PALS2: variants seen among roughly 807,000 people sequenced by gnomAD.
PALS2 encodes the protein protein associated with LIN7 2, MAGUK p55 family member.
In PALS2, 27 loss-of-function variants were observed where a neutral mutation model predicts 61.6. The observed-to-expected ratio is 0.44, with a 90% CI of 0.32 to 0.60. The LOEUF is 0.60. Among genes scored for constraint, PALS2 ranks in the 20% least tolerant of loss-of-function variants. PALS2 has a pLI of 0.05. For missense variants in PALS2, 554 were observed against 639.4 expected, an observed-to-expected ratio of 0.87 and a Z score of 1.44; for synonymous variants, 236 against 218.6, an observed-to-expected ratio of 1.08 and a Z score of -0.70.
intron 1 of PALS2, 55 bp from the exon 2 acceptor site, chr7:24,623,611 G>A: frequency 4.7e-6 from 5 of 1,072,586 alleles, no homozygotes; most frequent in Middle Eastern, 2.1e-4. Flanking sequence ...TGAAATTTAA[G>A]GGTTTTTGTT....
chr7:24,647,582 G>A (rs985579722), intron 3 of PALS2, among the ~76,000 whole-genome samples: 7 of 152,066 alleles, frequency 4.6e-5, no homozygotes, highest in African/African-American at 9.7e-5. Context: ...GCAAAATGAC[G>A]TTTTTCTGTT....
rs1788478162 is a variant in PALS2 at position 24,691,528 on chromosome 7, C to G, written c.*3914C>G. On this transcript the variant is annotated 3_prime_UTR_variant, in exon 12 of 12. Coordinates refer to ENST00000222644, the MANE Select transcript of PALS2 (RefSeq NM_001303037.2). ...TATTCATTCATGTAATTATAACTAG[C>G]ATTCTAAAATTTTTAATTACTCCCA... 6.7e-6 allele frequency: 1 copy of G among 149,576 alleles called. No individual in the cohort carries two copies. Among genetic ancestry groups the G allele is most frequent in the South Asian group, 2.1e-4 (1 of 4,724 alleles). 9.3% of individuals were successfully genotyped at this position (149,576 alleles called of 1,614,324 possible). A position where few individuals can be genotyped will look rare whatever the true frequency, so the allele number is the denominator to read the frequency against.
At position 24,618,899 on chromosome 7, in the gene PALS2, C is replaced by T. The variant is rs550849726; in HGVS notation, c.-2-4767C>T. The stretch of plus-strand genomic sequence containing the variant: ...TTATTGCCGTGGTCCTTTCTTGAAG[C>T]GGAGGAATGTGCACCAGACACTTAC... On this transcript the variant is annotated intron_variant, in intron 1 of 11. Coordinates refer to ENST00000222644, the MANE Select transcript of PALS2 (RefSeq NM_001303037.2). The surrounding 1 kb of genome is among the most constrained non-coding windows in gnomAD (Gnocchi z 5.1). Among the ~76,000 whole-genome samples, 23 of 152,324 alleles carry T rather than the reference C, an allele frequency of 1.5e-4. No homozygotes were observed. Among genetic ancestry groups the T allele is most frequent in the African/African-American group, 4.8e-4 (20 of 41,574 alleles).
intron 1 of PALS2, among the ~76,000 whole-genome samples, chr7:24,581,244 CGTGTGTGTGTGTGTGTGTGTGT>C (rs55768123): frequency 2.2e-4 from 31 of 143,012 alleles, no homozygotes; most frequent in African/African-American, 7.6e-4. Flanking sequence ...CATTTCCCCA[CGTGTGTGTGTGTGTGTGTGTGT>C]GTGTGTGTGT....
intron 9 of PALS2, 143 bp from the exon 10 acceptor site, chr7:24,678,988 A>G: frequency 1.5e-6 from 1 of 656,976 alleles, no homozygotes; most frequent in South Asian, 2.0e-5. Context: ...TTTATTTACA[A>G]AAATAAGAAG....
chr7:24,663,625 C>A lies in PALS2; in HGVS notation c.687C>A (p.Tyr229Ter). 6.3e-7 allele frequency: 1 copy of A among 1,592,620 alleles called. No individual in the cohort carries two copies. The highest frequency in any genetic ancestry group is 8.6e-7 in the Non-Finnish European group (1 of 1,161,600). Residue 229 changes from tyrosine (Y) to a stop codon, truncating the protein, a stop_gained, in exon 6 of 12, where the codon TAC becomes TAA. Coordinates refer to ENST00000222644, the MANE Select transcript of PALS2 (RefSeq NM_001303037.2). LOFTEE classifies it high-confidence loss of function. ...FVKCHFDYNP[Y>*]NDNLIPCKEA... Reference sequence around the variant, plus strand: ...AGTGTCATTTTGATTATAATCCATACAATGACAACCTAATACCTTGCAAAG... The same window carrying A: ...AGTGTCATTTTGATTATAATCCATAAAATGACAACCTAATACCTTGCAAAG...
intron 1 of PALS2, among the ~76,000 whole-genome samples, chr7:24,585,790 C>T (rs899889848): frequency 7.9e-5 from 12 of 152,196 alleles, no homozygotes; most frequent in Admixed American, 5.9e-4. Context: ...GCTCCGCCTC[C>T]TGGGTTCATG....
At chr7:24,668,999 G>A (rs1326100518) in intron 9 of PALS2, among the ~76,000 whole-genome samples, 1 of 152,164 alleles carries the variant, frequency 6.6e-6, no homozygotes, top group Non-Finnish European at 1.5e-5. Context: ...GGATTTTTCA[G>A]CCATTTTAGT....
intron 8 of PALS2, among the ~76,000 whole-genome samples, chr7:24,667,294 G>A (rs1216395756): frequency 2.0e-5 from 3 of 152,058 alleles, no homozygotes; most frequent in Admixed American, 1.3e-4. Context: ...TATGTTTCTA[G>A]TGAAACAGTT....
At chr7:24,606,423 A>G (rs189110752) in intron 1 of PALS2, among the ~76,000 whole-genome samples, 1 of 152,292 alleles carries the variant, frequency 6.6e-6, no homozygotes, top group Non-Finnish European at 1.5e-5. Context: ...GTCAAAGTGA[A>G]TTTAAGTACT....
At position 24,667,372 on chromosome 7, in the gene PALS2, G is replaced by A. The variant is rs150218115; in HGVS notation, c.953-1127G>A. 1.7e-3 allele frequency among the ~76,000 whole-genome samples: 253 copies of A among 152,166 alleles called. 1 individual carries two copies. Among genetic ancestry groups the A allele is most frequent in the African/African-American group, 5.8e-3 (240 of 41,534 alleles). ...ATTTAAATGTATGTTGTCAGTAAAT[G>A]TCAGTATGTTGAATTCTAATCAAAC... On this transcript the variant is annotated intron_variant, in intron 8 of 11. Coordinates refer to ENST00000222644, the MANE Select transcript of PALS2 (RefSeq NM_001303037.2).
rs116878793 is a variant in PALS2 at position 24,652,660 on chromosome 7, G to A, written c.651+1948G>A. ...ATAATAGGCATAAACCAGGGCATCT[G>A]CAAACCATGGGCATCCTACTGAGAT... On this transcript the variant is annotated intron_variant, in intron 5 of 11. Coordinates refer to ENST00000222644, the MANE Select transcript of PALS2 (RefSeq NM_001303037.2). Among the ~76,000 whole-genome samples the A allele has an allele frequency of 6.0e-3, 911 of 152,086 alleles. 6 individuals carry two copies. Among genetic ancestry groups the A allele is most frequent in the South Asian group, 0.012 (56 of 4,812 alleles).
chr7:24,667,809 C>T (rs368121636), intron 8 of PALS2, among the ~76,000 whole-genome samples: 6 of 151,666 alleles, frequency 4.0e-5, no homozygotes, highest in African/African-American at 7.3e-5. Flanking sequence ...GGACTACAGG[C>T]GCACACCACC....
Position 24,663,590 on chromosome 7 carries a change from G to T in PALS2, c.652G>T (p.Val218Leu). The T allele has an allele frequency of 6.3e-7, 1 of 1,588,644 alleles. No individual in the cohort carries two copies. The highest frequency in any genetic ancestry group is 8.6e-7 in the Non-Finnish European group (1 of 1,161,748). ...SYRDTITPQQ[V>L]FVKCHFDYNP... ...TTTTTAATTGTGCTATGTGTTTTAG[G>T]TATTTGTGAAGTGTCATTTTGATTA... Residue 218 changes from valine (V) to leucine (L), a missense_variant and splice_region_variant, in exon 6 of 12, where the codon GTA (valine) becomes TTA (leucine). Val to Leu is a conservative substitution (Grantham distance 32, BLOSUM62 1). Coordinates refer to ENST00000222644, the MANE Select transcript of PALS2 (RefSeq NM_001303037.2).
At chr7:24,615,602 AAG>A (rs1224830616) in intron 1 of PALS2, among the ~76,000 whole-genome samples, 1 of 151,992 alleles carries the variant, frequency 6.6e-6, no homozygotes, top group Non-Finnish European at 1.5e-5. Context: ...AATAAAAAAA[AAG>A]ACTCCCAACA....
intron 1 of PALS2, among the ~76,000 whole-genome samples, chr7:24,617,727 C>A (rs1256553387): frequency 6.6e-6 from 1 of 152,184 alleles, no homozygotes; most frequent in Non-Finnish European, 1.5e-5. Context: ...TGGGCTGTTT[C>A]TCAGGTCAGG....
intron 1 of PALS2, among the ~76,000 whole-genome samples, chr7:24,605,646 T>C (rs1783873519): frequency 6.6e-6 from 1 of 151,912 alleles, no homozygotes; most frequent in Non-Finnish European, 1.5e-5. Flanking sequence ...TATAAACACA[T>C]AAAAACAAAG....
intron 2 of PALS2, among the ~76,000 whole-genome samples, chr7:24,636,615 T>A (rs565322210): frequency 6.6e-6 from 1 of 152,204 alleles, no homozygotes; most frequent in African/African-American, 2.4e-5. Context: ...TGTATATACA[T>A]GCATTGAAAC....
chr7:24,603,004 G>A lies in PALS2; in HGVS notation c.-2-20662G>A, dbSNP rs567950968. Among the ~76,000 whole-genome samples, 4 of 152,268 alleles carry A rather than the reference G, an allele frequency of 2.6e-5. No homozygotes were observed. The East Asian group carries it at 7.7e-4, about 29-fold the overall frequency. On this transcript the variant is annotated intron_variant, in intron 1 of 11. Coordinates refer to ENST00000222644, the MANE Select transcript of PALS2 (RefSeq NM_001303037.2). ...AAGTTTCCTGAGGCTGGGGAGCCATGTGGAACTGTGAGTCAATTAAACCTC... is the reference window on the plus strand; with the variant it reads ...AAGTTTCCTGAGGCTGGGGAGCCATATGGAACTGTGAGTCAATTAAACCTC...
Sources: gnomAD v4.1 joint callset for allele counts (sites outside exome capture counted in the v4.1 genomes callset) on GRCh38, gnomAD v4.1.1 for gene constraint, Gnocchi (gnomAD v3.1) non-coding constraint, MANE v1.5 for transcripts, NCBI Gene and HGNC (gene_info 2026-07-23, HGNC 2026-07-21) for gene names.